Variants in HMBOX1 observed in about 807,000 individuals in gnomAD.
The protein encoded by HMBOX1 is homeobox-containing protein 1.
In HMBOX1, 14 loss-of-function variants were observed where a neutral mutation model predicts 54.5. That is an observed-to-expected ratio of 0.26 (90% CI 0.17 to 0.40). The LOEUF (loss-of-function observed/expected upper bound fraction) is 0.40. Ranked by LOEUF, HMBOX1 falls within the 10% of genes least tolerant of loss-of-function variation. HMBOX1 has a pLI of 1.00. For synonymous variants in HMBOX1, 160 were observed against 181.0 expected, an observed-to-expected ratio of 0.88 and a Z score of 0.93; for missense variants, 332 against 514.4, an observed-to-expected ratio of 0.65 and a Z score of 3.43.
intron 4 of HMBOX1, among the ~76,000 whole-genome samples, chr8:29,001,467 T>G (rs969007870): frequency 3.3e-5 from 5 of 152,098 alleles, no homozygotes; most frequent in African/African-American, 1.2e-4. Flanking sequence ...GGAGAATTAC[T>G]TGTACCTGGG....
chr8:28,979,474 CTT>C (rs754610058), intron 3 of HMBOX1, among the ~76,000 whole-genome samples: 29 of 152,216 alleles, frequency 1.9e-4, no homozygotes, highest in Non-Finnish European at 4.0e-4. Context: ...AGTACTAAAA[CTT>C]TATATTCAAC....
chr8:28,977,327 T>A (rs866960305), intron 3 of HMBOX1, among the ~76,000 whole-genome samples: 1 of 152,244 alleles, frequency 6.6e-6, no homozygotes, highest in Non-Finnish European at 1.5e-5. Flanking sequence ...TTAACCTGAA[T>A]AAATATTCTC....
At chr8:28,991,022 G>T (rs74783515) in intron 4 of HMBOX1, among the ~76,000 whole-genome samples, 15,994 of 152,132 alleles carry the variant, frequency 0.11, 1,020 homozygotes, top group Middle Eastern at 0.15. Flanking sequence ...GAGATAAGTT[G>T]GGAAGTGGTC....
chr8:28,955,689 C>T (rs570685742), intron 1 of HMBOX1, among the ~76,000 whole-genome samples: 5 of 152,196 alleles, frequency 3.3e-5, no homozygotes, highest in South Asian at 2.1e-4. Context: ...CGGTGGCTCA[C>T]GCCTGTAATC....
intron 2 of HMBOX1, 80 bp downstream of exon 2, chr8:28,963,970 ATT>A (rs1055736959): frequency 1.5e-5 from 17 of 1,113,868 alleles, no homozygotes; most frequent in Non-Finnish European, 2.1e-5. Context: ...TATGATCCAG[ATT>A]TGACAACAGA....
chr8:29,027,336 A>G (rs536708109), intron 6 of HMBOX1, among the ~76,000 whole-genome samples: 3 of 152,336 alleles, frequency 2.0e-5, no homozygotes, highest in Admixed American at 2.0e-4. Flanking sequence ...GATACATTTA[A>G]GGGTGAGAAG....
chr8:28,924,332 A>C (rs1398240206), intron 1 of HMBOX1, among the ~76,000 whole-genome samples: 1 of 151,584 alleles, frequency 6.6e-6, no homozygotes, highest in Non-Finnish European at 1.5e-5. Flanking sequence ...GATGGTCTCG[A>C]TCTCCTGACC....
chr8:28,895,035 C>A (rs1043210818), intron 1 of HMBOX1, among the ~76,000 whole-genome samples: 1 of 151,814 alleles, frequency 6.6e-6, no homozygotes, highest in African/African-American at 2.4e-5. Context: ...ACACTAGACT[C>A]CTTCCTGTTA....
intron 6 of HMBOX1, among the ~76,000 whole-genome samples, chr8:29,019,862 T>A (rs1002746100): frequency 6.6e-6 from 1 of 152,222 alleles, no homozygotes; most frequent in Non-Finnish European, 1.5e-5. Context: ...AGAGGGAGAT[T>A]TAAAATGCCG....
At chr8:29,008,166 C>T (rs1833736093) in intron 4 of HMBOX1, among the ~76,000 whole-genome samples, 1 of 152,108 alleles carries the variant, frequency 6.6e-6, no homozygotes, top group African/African-American at 2.4e-5. Flanking sequence ...TGGAAACTGC[C>T]TTGTGGACTT....
intron 6 of HMBOX1, 80 bp from the exon 7 acceptor site, chr8:29,045,281 T>C (rs747427872): frequency 3.2e-5 from 34 of 1,072,102 alleles, no homozygotes; most frequent in Non-Finnish European, 4.6e-5. Flanking sequence ...TTACAGAATA[T>C]ATTTTTCAGT....
At chr8:28,984,993 A>G (rs1037635802) in intron 4 of HMBOX1, among the ~76,000 whole-genome samples, 5 of 152,216 alleles carry the variant, frequency 3.3e-5, no homozygotes, top group Middle Eastern at 3.2e-3. Context: ...TAGTATAATG[A>G]AGAAGTAACA....
intron 1 of HMBOX1, among the ~76,000 whole-genome samples, chr8:28,939,104 A>G (rs1478205550): frequency 6.6e-6 from 1 of 152,116 alleles, no homozygotes; most frequent in Non-Finnish European, 1.5e-5. Flanking sequence ...AGCCTGACCA[A>G]TATGGTGAAA....
At chr8:28,896,937 C>G (rs917754598) in intron 1 of HMBOX1, among the ~76,000 whole-genome samples, 1 of 150,344 alleles carries the variant, frequency 6.7e-6, no homozygotes, top group Non-Finnish European at 1.5e-5. Context: ...TGCAAACATA[C>G]CAATTTTTTT....
In HMBOX1 at chr8:28,955,884, C is replaced by G. The variant is rs1265970952; in HGVS notation, c.-57-7927C>G. On this transcript the variant is annotated intron_variant, in intron 1 of 9. Transcript: ENST00000287701. ...AGGAGAATCGCTTGAATCCGGGAGG[C>G]AGAGGTTGCAGTGAGTTGGGATTGT... The G allele has an allele frequency of 2.0e-5, 3 of 146,350 alleles. No individual in the cohort carries two copies. The Admixed American group carries it at 2.1e-4, about 10-fold the overall frequency. The allele number at this position is 146,350 out of a possible 1,614,324, so 9.1% of individuals were successfully genotyped here. A position where few individuals can be genotyped will look rare whatever the true frequency, so the allele number is the denominator to read the frequency against.
At chr8:28,927,035 AAAATAGTT>A (rs1158783837) in intron 1 of HMBOX1, among the ~76,000 whole-genome samples, 1 of 152,216 alleles carries the variant, frequency 6.6e-6, no homozygotes, top group Non-Finnish European at 1.5e-5. Flanking sequence ...GGGTACTAAA[AAAATAGTT>A]AGAAAGAATG....
At chr8:29,034,293 A>G (rs1803478209) in intron 6 of HMBOX1, among the ~76,000 whole-genome samples, 1 of 152,144 alleles carries the variant, frequency 6.6e-6, no homozygotes, top group African/African-American at 2.4e-5. Flanking sequence ...GTCTCATCCA[A>G]ATATTCTATT....
Position 28,890,619 on chromosome 8 carries a change from G to C in HMBOX1, c.-117G>C, listed in dbSNP as rs1810699493. 6.5e-6 allele frequency: 1 copy of C among 152,918 alleles called. No individual in the cohort carries two copies. Among genetic ancestry groups the C allele is most frequent in the Non-Finnish European group, 1.5e-5 (1 of 68,238 alleles). 9.5% of individuals were successfully genotyped at this position (152,918 alleles called of 1,614,324 possible). A position where few individuals can be genotyped will look rare whatever the true frequency, so the allele number is the denominator to read the frequency against. ...TCCCTCCTCCCTATCTCAGCCCTTC[G>C]TACTGGGACGTTGGGGAGGGGGCTG... On this transcript the variant is annotated 5_prime_UTR_variant, in exon 1 of 10. Coordinates refer to ENST00000287701, the MANE Select transcript of HMBOX1 (RefSeq NM_001135726.3).
At chr8:29,022,075 A>C (rs752650551) in intron 6 of HMBOX1, among the ~76,000 whole-genome samples, 1 of 152,166 alleles carries the variant, frequency 6.6e-6, no homozygotes. Flanking sequence ...CGGCAATATC[A>C]AGGAAAATTA....
Sources: allele counts gnomAD v4.1 joint callset (sites outside exome capture counted in the v4.1 genomes callset), GRCh38; gene constraint gnomAD v4.1.1; transcripts MANE v1.5; gene names NCBI Gene and HGNC (gene_info 2026-07-23, HGNC 2026-07-21).